Variants in MYO16 observed in about 807,000 individuals in gnomAD.
MYO16 encodes the protein myosin XVI, also known as unconventional myosin-XVI.
A neutral mutation model predicts 205.3 loss-of-function variants in MYO16; 94 were observed. The ratio of observed to expected loss-of-function variants is 0.46; its 90% CI spans 0.39 to 0.54. MYO16 has a LOEUF of 0.54. Among genes scored for constraint, MYO16 ranks in the 20% least tolerant of loss-of-function variants. MYO16 has a pLI of 0.00. For synonymous variants in MYO16, 988 were observed against 954.0 expected, an observed-to-expected ratio of 1.04 and a Z score of -0.66; for missense variants, 2,315 against 2,387.5, an observed-to-expected ratio of 0.97 and a Z score of 0.63.
intron 11 of MYO16, among the ~76,000 whole-genome samples, chr13:108,865,653 T>C (rs951422965): frequency 1.3e-5 from 2 of 152,076 alleles, no homozygotes; most frequent in Non-Finnish European, 2.9e-5. Context: ...TGCTGGTGTT[T>C]GGGTTTAAAT....
intron 4 of MYO16, among the ~76,000 whole-genome samples, chr13:108,778,960 G>C (rs539650783): frequency 6.6e-6 from 1 of 152,178 alleles, no homozygotes; most frequent in Non-Finnish European, 1.5e-5. Context: ...CTGCACTCGT[G>C]GGGGGATGCC....
intron 33 of MYO16, among the ~76,000 whole-genome samples, chr13:109,167,578 A>C (rs1594151300): frequency 1.3e-5 from 2 of 152,178 alleles, no homozygotes; most frequent in African/African-American, 4.8e-5. Flanking sequence ...ATGTCTAAAA[A>C]AGGTGAATCT....
chr13:108,525,518 G>A, the MYO16 span, among the ~76,000 whole-genome samples: 1 of 152,248 alleles, frequency 6.6e-6, no homozygotes, highest in African/African-American at 2.4e-5. Context: ...TACCCTAGAT[G>A]ATAGAAGCAC....
At chr13:108,930,052 A>T (rs113371749) in intron 16 of MYO16, among the ~76,000 whole-genome samples, 61 of 152,352 alleles carry the variant, frequency 4.0e-4, no homozygotes, top group African/African-American at 1.3e-3. Flanking sequence ...TTAAATGCCC[A>T]TAATCTTATT....
intron 2 of MYO16, among the ~76,000 whole-genome samples, chr13:108,681,420 T>G (rs1429373083): frequency 6.6e-6 from 1 of 152,208 alleles, no homozygotes; most frequent in Non-Finnish European, 1.5e-5. Context: ...CAATGTTGTT[T>G]CAGCTCTCAT....
intron 2 of MYO16, among the ~76,000 whole-genome samples, chr13:108,675,420 G>T (rs145761236): frequency 2.7e-3 from 414 of 152,258 alleles, no homozygotes; most frequent in Non-Finnish European, 5.0e-3. Flanking sequence ...CAAATTAATT[G>T]CATTTAAATT....
chr13:109,067,122 G>A (rs960183289), intron 27 of MYO16, among the ~76,000 whole-genome samples: 3 of 152,080 alleles, frequency 2.0e-5, no homozygotes, highest in Non-Finnish European at 2.9e-5. Context: ...ATGGGTCACC[G>A]CTGTGTACCT....
rs763308655 is a variant in MYO16 at position 109,140,612 on chromosome 13, C to T, written c.4400C>T (p.Pro1467Leu). ...MKCCLPDDGG[P>L]GAGSFLLHGA... ...TGTTGCCTGCCCGACGACGGCGGCC[C>T]GGGCGCGGGCTCCTTCCTGCTCCAC... The change falls in exon 32 of 35, where the codon CCG becomes CTG. Residue 1467 changes from proline to leucine, a missense_variant. Physicochemically the swap from Pro to Leu is moderately conservative, Grantham distance 98 (BLOSUM62 -3). Transcript: ENST00000457511. The surrounding 1 kb of genome is among the most constrained non-coding windows in gnomAD (Gnocchi z 8.0). 4 of 1,518,090 alleles carry T rather than the reference C, an allele frequency of 2.6e-6. No homozygotes were observed. The highest frequency in any genetic ancestry group is 3.5e-6 in the Non-Finnish European group (4 of 1,138,666). The allele number at this position is 1,518,090 out of a possible 1,614,324, so 94.0% of individuals were successfully genotyped here. A position where few individuals can be genotyped will look rare whatever the true frequency, so the allele number is the denominator to read the frequency against.
chr13:108,845,178 G>A (rs1364486505), intron 10 of MYO16, among the ~76,000 whole-genome samples: 1 of 152,060 alleles, frequency 6.6e-6, no homozygotes, highest in Non-Finnish European at 1.5e-5. Context: ...AGATATTTTA[G>A]CCAGGTTTTC....
chr13:109,052,408 T>A lies in MYO16; in HGVS notation c.2981T>A (p.Leu994Gln). The change falls in exon 25 of 35, where the codon CTG (leucine) becomes CAG (glutamine). Residue 994 changes from leucine to glutamine, a missense_variant. Around this residue, in one of 3 missense-constraint regions of MYO16, gnomAD observed 1,213 missense variants for 1,274.4 expected, o/e 0.95. Coordinates refer to ENST00000457511, the MANE Select transcript of MYO16 (RefSeq NM_001198950.3). ...SFKFRGHKSA[L>Q]LSKKMTASSI... ...AAATTCCGAGGACATAAGTCTGCCCTGCTCAGTAAGAAAATGACAGCTTCT... is the reference window on the plus strand; with the variant it reads ...AAATTCCGAGGACATAAGTCTGCCCAGCTCAGTAAGAAAATGACAGCTTCT... 1 of 1,612,880 alleles carries A rather than the reference T, an allele frequency of 6.2e-7. No homozygotes were observed. The highest frequency in any genetic ancestry group is 8.5e-7 in the Non-Finnish European group (1 of 1,179,072).
At chr13:108,964,987 C>T in intron 20 of MYO16, 85 bp downstream of exon 20, 1 of 1,354,698 alleles carries the variant, frequency 7.4e-7, no homozygotes. Context: ...CTTCATATTA[C>T]AGGGTAACCA....
At chr13:109,202,290 A>G (rs1163039077) in intron 34 of MYO16, among the ~76,000 whole-genome samples, 1 of 152,164 alleles carries the variant, frequency 6.6e-6, no homozygotes, top group African/African-American at 2.4e-5. Flanking sequence ...GCTGTTTTCC[A>G]TAGTGGTTTT....
intron 1 of MYO16, among the ~76,000 whole-genome samples, chr13:108,654,443 T>A (rs985873058): frequency 1.3e-5 from 2 of 152,232 alleles, no homozygotes; most frequent in Admixed American, 6.5e-5. Flanking sequence ...GCCATGATTC[T>A]GAGGCGTCCC....
intron 32 of MYO16, among the ~76,000 whole-genome samples, chr13:109,152,911 C>T (rs1566536420): frequency 6.6e-6 from 1 of 152,072 alleles, no homozygotes; most frequent in African/African-American, 2.4e-5. Context: ...TTCATTTATT[C>T]CAAGGAATCT....
chr13:108,898,351 AGTGTGTGTGT>A lies in MYO16; in HGVS notation c.1777+247_1777+256del, dbSNP rs3042037. On this transcript the variant is annotated intron_variant, in intron 15 of 34. Coordinates refer to ENST00000457511, the MANE Select transcript of MYO16 (RefSeq NM_001198950.3). ...TCAGGCACTCAGTTGAGGGTGTGTG[AGTGTGTGTGT>A]GTGTGTGTGTGTGTGTGTGTGTGTG... Among the ~76,000 whole-genome samples the A allele has an allele frequency of 3.4e-4, 50 of 145,082 alleles. No homozygotes were observed. The South Asian group carries it at 5.7e-3, about 16-fold the overall frequency.
intron 14 of MYO16, 85 bp from the exon 15 acceptor site, chr13:108,897,931 A>T: frequency 9.4e-7 from 1 of 1,062,810 alleles, no homozygotes; most frequent in Non-Finnish European, 1.4e-6. Context: ...ACCAAGAAGT[A>T]TTATTCACTG....
At chr13:108,730,775 T>C (rs1884495283) in intron 4 of MYO16, among the ~76,000 whole-genome samples, 1 of 152,186 alleles carries the variant, frequency 6.6e-6, no homozygotes, top group Non-Finnish European at 1.5e-5. Flanking sequence ...TGTTATATTG[T>C]TGTCCTAACT....
chr13:108,852,683 A>G (rs1877946168), intron 10 of MYO16, among the ~76,000 whole-genome samples: 1 of 152,128 alleles, frequency 6.6e-6, no homozygotes, highest in South Asian at 2.1e-4. Flanking sequence ...AACAGCTCCA[A>G]GGGAAGCTGG....
chr13:108,503,755 T>C, the MYO16 span, among the ~76,000 whole-genome samples: 1 of 152,136 alleles, frequency 6.6e-6, no homozygotes, highest in Admixed American at 6.6e-5. Flanking sequence ...GTAATATATA[T>C]GCACACATCA....
Sources: gnomAD v4.1 joint callset for allele counts (sites outside exome capture counted in the v4.1 genomes callset) on GRCh38, gnomAD v4.1.1 for gene constraint, gnomAD v4.1.1 regional missense constraint, Gnocchi (gnomAD v3.1) non-coding constraint, MANE v1.5 for transcripts, NCBI Gene and HGNC (gene_info 2026-07-23, HGNC 2026-07-21) for gene names.